VPS54: variants seen among roughly 807,000 people sequenced by gnomAD.
VPS54 encodes vacuolar protein sorting-associated protein 54.
In VPS54, 45 loss-of-function variants were observed where a neutral mutation model predicts 121.5. The observed-to-expected ratio is 0.37, with a 90% CI of 0.29 to 0.47. The LOEUF (loss-of-function observed/expected upper bound fraction) is 0.47. VPS54 is among the 20% of genes least tolerant of loss of function. The pLI, the probability that VPS54 is intolerant of heterozygous loss-of-function variation, is 0.99. For missense variants in VPS54, 1,090 were observed against 1,131.4 expected (o/e 0.96, Z 0.52); for synonymous variants, 371 against 385.8 (o/e 0.96, Z 0.45).
chr2:63,939,523 A>C (rs1317443090), intron 11 of VPS54, among the ~76,000 whole-genome samples: 1 of 152,214 alleles, frequency 6.6e-6, no homozygotes, highest in African/African-American at 2.4e-5. Flanking sequence ...TATTCCTGTA[A>C]TGTGGTAAAT....
intron 2 of VPS54, among the ~76,000 whole-genome samples, chr2:63,983,024 C>A (rs1374833096): frequency 6.6e-6 from 1 of 152,114 alleles, no homozygotes; most frequent in Non-Finnish European, 1.5e-5. Flanking sequence ...ATGATGAGGG[C>A]TGACTGTACC....
intron 1 of VPS54, among the ~76,000 whole-genome samples, chr2:64,012,145 C>G (rs1055734171): frequency 6.6e-6 from 1 of 152,134 alleles, no homozygotes; most frequent in Non-Finnish European, 1.5e-5. Context: ...TTACTAACTT[C>G]ATTACTTAGC....
chr2:63,959,265 A>G (rs1295810086), intron 7 of VPS54, among the ~76,000 whole-genome samples: 2 of 152,208 alleles, frequency 1.3e-5, no homozygotes, highest in African/African-American at 2.4e-5. Flanking sequence ...ACAAAACACA[A>G]ACAAAAGAAT....
intron 7 of VPS54, 41 bp from the exon 8 acceptor site, chr2:63,949,204 A>T (rs745728563): frequency 6.4e-7 from 1 of 1,573,748 alleles, no homozygotes; most frequent in East Asian, 2.3e-5. Context: ...TATTCACTAA[A>T]AACTACAAAT....
chr2:63,985,156 T>C (rs1424692401), intron 1 of VPS54, among the ~76,000 whole-genome samples: 1 of 151,990 alleles, frequency 6.6e-6, no homozygotes. Flanking sequence ...CTCGTATCTA[T>C]AAAAATTACA....
At chr2:63,958,163 T>C (rs10170601) in intron 7 of VPS54, among the ~76,000 whole-genome samples, 225 of 152,074 alleles carry the variant, frequency 1.5e-3, no homozygotes, top group African/African-American at 4.9e-3. Context: ...CAAAGCCCAA[T>C]AGAAAGATTT....
intron 16 of VPS54, among the ~76,000 whole-genome samples, chr2:63,916,155 A>T (rs1239062146): frequency 6.6e-6 from 1 of 152,214 alleles, no homozygotes; most frequent in Non-Finnish European, 1.5e-5. Context: ...GGAAAAAGGA[A>T]AGAATAATCC....
intron 22 of VPS54, among the ~76,000 whole-genome samples, chr2:63,896,325 G>A (rs979523374): frequency 2.6e-5 from 4 of 152,084 alleles, no homozygotes; most frequent in Admixed American, 2.0e-4. Flanking sequence ...CTACTTTTTT[G>A]GTTGTTTGTC....
chr2:63,909,232 C>T (rs1366080474), intron 20 of VPS54, among the ~76,000 whole-genome samples: 1 of 152,050 alleles, frequency 6.6e-6, no homozygotes, highest in Non-Finnish European at 1.5e-5. Flanking sequence ...TATTGGAGGA[C>T]AAGATCAAAG....
At chr2:63,920,125 A>G (rs1052206515) in intron 14 of VPS54, 130 bp from the exon 15 acceptor site, 2 of 667,252 alleles carry the variant, frequency 3.0e-6, no homozygotes, top group Non-Finnish European at 4.9e-6. Flanking sequence ...TTTAATAAGC[A>G]GGACCAATAC....
chr2:63,933,990 A>C lies in VPS54; in HGVS notation c.1422T>G (p.Ser474Arg). Reference sequence around the variant, plus strand: ...TTTTGTCAAGAACTGAGAGAACAACACTGTGAATGATATTTAATGTTGCCT... The same window carrying C: ...TTTTGTCAAGAACTGAGAGAACAACCCTGTGAATGATATTTAATGTTGCCT... ...RVKATLNIIHSVVLSVLDKNQ... is the reference protein window; with the variant it reads ...RVKATLNIIHRVVLSVLDKNQ... The change falls in exon 12 of 23, where the codon AGT (serine) becomes AGG (arginine). Residue 474 changes from serine (S) to arginine (R), a missense_variant. Ser to Arg is a moderately radical substitution (Grantham distance 110). Transcript: ENST00000272322. The C allele has an allele frequency of 6.2e-7, 1 of 1,612,830 alleles. No individual in the cohort carries two copies. The highest frequency in any genetic ancestry group is 8.5e-7 in the Non-Finnish European group (1 of 1,179,364).
intron 3 of VPS54, among the ~76,000 whole-genome samples, chr2:63,976,687 A>G: frequency 6.6e-6 from 1 of 152,040 alleles, no homozygotes; most frequent in Admixed American, 6.6e-5. Context: ...TTCAAAATAA[A>G]TTGGTCCATT....
intron 20 of VPS54, among the ~76,000 whole-genome samples, chr2:63,910,778 C>A (rs1353267234): frequency 1.3e-5 from 2 of 152,164 alleles, no homozygotes; most frequent in Non-Finnish European, 2.9e-5. Context: ...AAAGTCTAGT[C>A]ACTGTGACAA....
chr2:63,915,266 G>C (rs917087540), intron 16 of VPS54, among the ~76,000 whole-genome samples: 5 of 150,210 alleles, frequency 3.3e-5, no homozygotes, highest in African/African-American at 9.8e-5. Context: ...AAAGAAGATT[G>C]AAATTAAGGA....
chr2:63,907,831 A>C (rs968112667), intron 20 of VPS54, among the ~76,000 whole-genome samples: 3 of 152,202 alleles, frequency 2.0e-5, no homozygotes, highest in Non-Finnish European at 4.4e-5. Context: ...GATGCTTAAC[A>C]TATCTGTAAT....
Position 63,908,481 on chromosome 2 carries a change from C to T in VPS54, c.2625+3864G>A, listed in dbSNP as rs1575892135. On this transcript the variant is annotated intron_variant, in intron 20 of 22. Coordinates refer to ENST00000272322, the MANE Select transcript of VPS54 (RefSeq NM_016516.3). ...TGATGTTCTATAACTTGCAGTTATA[C>T]TATCTGTATTTAGATACAGATAGTA... Among the ~76,000 whole-genome samples, 8 of 152,222 alleles carry T rather than the reference C, an allele frequency of 5.3e-5. No individual in the cohort carries two copies. The South Asian group carries it at 1.7e-3, about 32-fold the overall frequency.
intron 7 of VPS54, among the ~76,000 whole-genome samples, chr2:63,958,826 G>C (rs1047708397): frequency 3.3e-5 from 5 of 152,152 alleles, no homozygotes; most frequent in Non-Finnish European, 5.9e-5. Context: ...AAATTTAAAA[G>C]AGTCCTTTGC....
chr2:63,949,085 G>T lies in VPS54; in HGVS notation c.1089C>A (p.His363Gln). Residue 363 changes from histidine (H) to glutamine (Q), a missense_variant, in exon 8 of 23, where the codon CAC (histidine) becomes CAA (glutamine). Physicochemically the swap from His to Gln is conservative, Grantham distance 24 (BLOSUM62 0). Around this residue, in one of 2 missense-constraint regions of VPS54, gnomAD observed 801 missense variants for 757.0 expected, o/e 1.06. Coordinates refer to ENST00000272322, the MANE Select transcript of VPS54 (RefSeq NM_016516.3). ...MMIAEFSTYS[H>Q]SDLNRPLEDD... Reference sequence around the variant, plus strand: ...CTTCCAGTGGTCTATTTAAGTCACTGTGAGAATAAGTAGAAAATTCTGCAA... The same window carrying T: ...CTTCCAGTGGTCTATTTAAGTCACTTTGAGAATAAGTAGAAAATTCTGCAA... 6.2e-7 allele frequency: 1 copy of T among 1,611,628 alleles called. No homozygotes were observed. The highest frequency in any genetic ancestry group is 8.5e-7 in the Non-Finnish European group (1 of 1,179,084).
At chr2:63,928,342 G>C (rs1170989140) in intron 12 of VPS54, among the ~76,000 whole-genome samples, 3 of 152,206 alleles carry the variant, frequency 2.0e-5, no homozygotes, top group African/African-American at 4.8e-5. Context: ...AGCCAGAAGA[G>C]AGTGGGGGCC....
Sources: gnomAD v4.1 joint callset for allele counts (sites outside exome capture counted in the v4.1 genomes callset) on GRCh38, gnomAD v4.1.1 for gene constraint, gnomAD v4.1.1 regional missense constraint, MANE v1.5 for transcripts, NCBI Gene and HGNC (gene_info 2026-07-23, HGNC 2026-07-21) for gene names.